FNDC3B: variants seen among roughly 807,000 people sequenced by gnomAD.
FNDC3B encodes fibronectin type III domain-containing protein 3B.
Under a neutral mutation model 151.5 loss-of-function variants are expected in FNDC3B, and 12 were observed. The ratio of observed to expected loss-of-function variants is 0.08; its 90% CI spans 0.05 to 0.13. The LOEUF is 0.13. FNDC3B is among the 10% of genes least tolerant of loss of function. FNDC3B has a pLI of 1.00. For missense variants in FNDC3B, 1,214 were observed against 1,505.3 expected, an observed-to-expected ratio of 0.81 and a Z score of 3.20; for synonymous variants, 528 against 549.0, an observed-to-expected ratio of 0.96 and a Z score of 0.54.
chr3:172,248,564 C>T (rs1218105244), intron 5 of FNDC3B, among the ~76,000 whole-genome samples: 1 of 151,936 alleles, frequency 6.6e-6, no homozygotes, highest in East Asian at 1.9e-4. Context: ...CTGAGTCTGA[C>T]TATGAATGGA....
Position 172,247,517 on chromosome 3 carries a change from T to C in FNDC3B, c.265-16T>C. The C allele has an allele frequency of 6.2e-7, 1 of 1,612,002 alleles. No homozygotes were observed. Among genetic ancestry groups the C allele is most frequent in the South Asian group, 1.1e-5 (1 of 91,014 alleles). On this transcript the variant is annotated splice_polypyrimidine_tract_variant and intron_variant, in intron 4 of 25. Coordinates refer to ENST00000415807, the MANE Select transcript of FNDC3B (RefSeq NM_022763.4). ...CTAATATGTACTGCGTTCTTTCCTTTTGTGTTTTTCTTTAGGTGATTGAAG... is the reference window on the plus strand; with the variant it reads ...CTAATATGTACTGCGTTCTTTCCTTCTGTGTTTTTCTTTAGGTGATTGAAG...
intron 25 of FNDC3B, among the ~76,000 whole-genome samples, chr3:172,382,914 T>A (rs551109038): frequency 6.6e-6 from 1 of 152,312 alleles, no homozygotes; most frequent in East Asian, 1.9e-4. Flanking sequence ...TGCCTCCAGC[T>A]TTGTTCTTTT....
At chr3:172,312,007 T>C (rs1229466633) in intron 11 of FNDC3B, among the ~76,000 whole-genome samples, 1 of 152,224 alleles carries the variant, frequency 6.6e-6, no homozygotes, top group Admixed American at 6.5e-5. Context: ...ATAAGAAATG[T>C]GGAATTTGGG....
At chr3:172,133,832 G>A (rs577245205) in intron 3 of FNDC3B, among the ~76,000 whole-genome samples, 99 of 152,200 alleles carry the variant, frequency 6.5e-4, no homozygotes, top group Non-Finnish European at 7.5e-4. Flanking sequence ...TAACTCACAG[G>A]GGGCTAATGG....
At position 172,201,870 on chromosome 3, in the gene FNDC3B, A is replaced by T. The variant is rs142680013; in HGVS notation, c.188-25001A>T. On this transcript the variant is annotated intron_variant, in intron 3 of 25. Coordinates refer to ENST00000415807, the MANE Select transcript of FNDC3B (RefSeq NM_022763.4). ...TTGTGTCCCATGCAGTACTTGGGAT[A>T]TGCTGGTATGAAAAGTTATTTGCTG... is the stretch of plus-strand genomic sequence containing the variant. Among the ~76,000 whole-genome samples, 4 of 152,354 alleles carry T rather than the reference A, an allele frequency of 2.6e-5. No individual in the cohort carries two copies. The East Asian group carries it at 7.7e-4, about 29-fold the overall frequency.
intron 3 of FNDC3B, among the ~76,000 whole-genome samples, chr3:172,151,994 T>A (rs1405219389): frequency 6.6e-6 from 1 of 152,198 alleles, no homozygotes; most frequent in Non-Finnish European, 1.5e-5. Flanking sequence ...GCTGGTGATA[T>A]CCACTTGTGG....
chr3:172,219,036 A>G (rs570929940), intron 3 of FNDC3B, among the ~76,000 whole-genome samples: 165 of 152,330 alleles, frequency 1.1e-3, no homozygotes, highest in Non-Finnish European at 1.8e-3. Flanking sequence ...CTGTTGTTCC[A>G]TCTCTTGCCT....
chr3:172,062,067 A>G (rs1717227644), intron 1 of FNDC3B, among the ~76,000 whole-genome samples: 2 of 152,188 alleles, frequency 1.3e-5, no homozygotes. Flanking sequence ...AAGTTTGTGC[A>G]GTTTCACTTC....
At chr3:172,078,683 A>T (rs547352955) in intron 1 of FNDC3B, among the ~76,000 whole-genome samples, 1 of 152,324 alleles carries the variant, frequency 6.6e-6, no homozygotes, top group African/African-American at 2.4e-5. Flanking sequence ...GTTGCTGTAG[A>T]TGAGAAAACA....
intron 1 of FNDC3B, among the ~76,000 whole-genome samples, chr3:172,055,439 A>T (rs559731791): frequency 6.6e-6 from 1 of 152,172 alleles, no homozygotes; most frequent in Non-Finnish European, 1.5e-5. Context: ...TGCTTATTAT[A>T]TTCAATTTAA....
intron 1 of FNDC3B, among the ~76,000 whole-genome samples, chr3:172,062,040 A>G (rs1717226357): frequency 1.3e-5 from 2 of 152,194 alleles, no homozygotes; most frequent in African/African-American, 2.4e-5. Flanking sequence ...TGAGGTAATC[A>G]TGCTGGTGCT....
intron 3 of FNDC3B, among the ~76,000 whole-genome samples, chr3:172,144,746 C>T (rs1721812653): frequency 6.6e-6 from 1 of 151,204 alleles, no homozygotes; most frequent in Non-Finnish European, 1.5e-5. Context: ...TCCTTTTCCT[C>T]AACTTGGGTA....
intron 6 of FNDC3B, among the ~76,000 whole-genome samples, chr3:172,279,562 C>T (rs1376424530): frequency 2.0e-5 from 3 of 152,168 alleles, no homozygotes; most frequent in Non-Finnish European, 2.9e-5. Context: ...AACCACTTCA[C>T]CAGCGAAATG....
intron 2 of FNDC3B, among the ~76,000 whole-genome samples, chr3:172,120,822 G>A (rs923278765): frequency 6.6e-6 from 1 of 152,042 alleles, no homozygotes; most frequent in Non-Finnish European, 1.5e-5. Flanking sequence ...CAAATTGCCG[G>A]GCGTGATGCT....
At chr3:172,378,476 G>C (rs1379812392) in intron 24 of FNDC3B, 40 bp downstream of exon 24, 2 of 1,513,012 alleles carry the variant, frequency 1.3e-6, no homozygotes, top group South Asian at 2.6e-5. Flanking sequence ...TCTTGTGAGA[G>C]TAAGGAACTG....
intron 3 of FNDC3B, among the ~76,000 whole-genome samples, chr3:172,146,365 T>C (rs1375014250): frequency 6.6e-6 from 1 of 152,160 alleles, no homozygotes; most frequent in African/African-American, 2.4e-5. Context: ...GCTTATATCC[T>C]TTTGCACATC....
intron 3 of FNDC3B, among the ~76,000 whole-genome samples, chr3:172,198,662 T>C (rs886963143): frequency 6.6e-6 from 1 of 152,202 alleles, no homozygotes; most frequent in Non-Finnish European, 1.5e-5. Flanking sequence ...TTTTCCACAT[T>C]GCATAACAGG....
Position 172,213,601 on chromosome 3 carries a change from C to T in FNDC3B, c.188-13270C>T, listed in dbSNP as rs537950078. 1.0e-3 allele frequency among the ~76,000 whole-genome samples: 153 copies of T among 152,268 alleles called. 2 individuals carry two copies. Among genetic ancestry groups the T allele is most frequent in the Admixed American group, 4.5e-3 (69 of 15,312 alleles). Reference sequence around the variant, plus strand: ...TGTTTGTGCTCATACTCTTGCTTAACCAGTGATAGTACTATATGCAAAACT... The same window carrying T: ...TGTTTGTGCTCATACTCTTGCTTAATCAGTGATAGTACTATATGCAAAACT... On this transcript the variant is annotated intron_variant, in intron 3 of 25. Coordinates refer to ENST00000415807, the MANE Select transcript of FNDC3B (RefSeq NM_022763.4).
chr3:172,319,830 T>C (rs937091246), intron 11 of FNDC3B, among the ~76,000 whole-genome samples: 1 of 152,230 alleles, frequency 6.6e-6, no homozygotes, highest in Non-Finnish European at 1.5e-5. Context: ...TCTAGCAGAC[T>C]AAATCTTAGA....
Sources: allele counts gnomAD v4.1 joint callset (sites outside exome capture counted in the v4.1 genomes callset), GRCh38; gene constraint gnomAD v4.1.1; transcripts MANE v1.5; gene names NCBI Gene and HGNC (gene_info 2026-07-23, HGNC 2026-07-21).